Variants in SRRM4 observed in about 807,000 individuals in gnomAD.
SRRM4 encodes serine/arginine repetitive matrix 4.
Under a neutral mutation model 68.9 loss-of-function variants are expected in SRRM4, and 33 were observed. The ratio of observed to expected loss-of-function variants is 0.48; its 90% confidence interval spans 0.36 to 0.64. SRRM4 has a LOEUF of 0.64. Among genes scored for constraint, SRRM4 ranks in the 30% least tolerant of loss-of-function variants. The pLI, the probability that SRRM4 is intolerant of heterozygous loss-of-function variation, is 0.00. For missense variants in SRRM4, 817 were observed against 827.1 expected, an observed-to-expected ratio of 0.99 and a Z score of 0.15; for synonymous variants, 318 against 318.8, an observed-to-expected ratio of 1.00 and a Z score of 0.03.
chr12:118,981,723 G>A lies in SRRM4; in HGVS notation c.-160G>A. The A allele has an allele frequency of 1.3e-6, 1 of 748,708 alleles. No individual in the cohort carries two copies. The highest frequency in any genetic ancestry group is 2.1e-6 in the Non-Finnish European group (1 of 474,038). The allele number at this position is 748,708 out of a possible 1,614,324, so 46.4% of individuals were successfully genotyped here. A position where few individuals can be genotyped will look rare whatever the true frequency, so the allele number is the denominator to read the frequency against. On this transcript the variant is annotated 5_prime_UTR_variant, in exon 1 of 13. Coordinates refer to ENST00000267260, the MANE Select transcript of SRRM4 (RefSeq NM_194286.4). ...CCTTTCTCTGCTGCCTGCCCGGGCT[G>A]GGGCGTCCCATCCCCCGCCCTGAAC...
intron 1 of SRRM4, among the ~76,000 whole-genome samples, chr12:118,997,570 TC>T (rs1373656227): frequency 6.6e-6 from 1 of 152,186 alleles, no homozygotes; most frequent in African/African-American, 2.4e-5. Context: ...TAAATCCTTT[TC>T]CCTAAGGGCT....
chr12:119,039,037 A>G (rs1026075255), intron 1 of SRRM4, among the ~76,000 whole-genome samples: 5 of 152,212 alleles, frequency 3.3e-5, no homozygotes, highest in African/African-American at 1.2e-4. Context: ...AGGGAGCTGA[A>G]GAAATAAAGA....
intron 1 of SRRM4, chr12:118,992,406 C>T (rs1953322833): frequency 6.6e-6 from 1 of 152,220 alleles, no homozygotes; most frequent in African/African-American, 2.4e-5. Context: ...GATGTCCATC[C>T]GCACCCAGCC....
intron 1 of SRRM4, among the ~76,000 whole-genome samples, chr12:119,083,165 T>A (rs918425342): frequency 6.6e-6 from 1 of 152,022 alleles, no homozygotes; most frequent in Non-Finnish European, 1.5e-5. Context: ...AAGTAGCCAG[T>A]GTTGTCACTG....
chr12:119,122,292 CAGGAAGGAAGGAAGGAAGGAAGGA>C (rs56030105), intron 6 of SRRM4, among the ~76,000 whole-genome samples, 172 bp downstream of exon 6: 1 of 69,656 alleles, frequency 1.4e-5, no homozygotes, highest in Non-Finnish European at 2.7e-5. Flanking sequence ...GGCAGGAAGG[CAGGAAGGAAGGAAGGAAGGAAGGA>C]AGGAAGGAAG....
At chr12:119,032,022 C>T (rs747845753) in intron 1 of SRRM4, among the ~76,000 whole-genome samples, 8 of 152,172 alleles carry the variant, frequency 5.3e-5, no homozygotes, top group Non-Finnish European at 7.4e-5. Context: ...AGATAGATTA[C>T]TATCTAAAGT....
intron 1 of SRRM4, among the ~76,000 whole-genome samples, chr12:119,019,962 A>AC (rs1953505413): frequency 5.6e-5 from 1 of 17,810 alleles, no homozygotes. Context: ...CCCCCCCCCC[A>AC]AAAAAAAATC....
intron 1 of SRRM4, among the ~76,000 whole-genome samples, chr12:119,019,326 G>A (rs1953500034): frequency 6.6e-6 from 1 of 152,206 alleles, no homozygotes; most frequent in African/African-American, 2.4e-5. Flanking sequence ...CCCCCGGGTT[G>A]AAATAATGGG....
At chr12:119,121,951 T>C in intron 5 of SRRM4, 119 bp from the exon 6 acceptor site, 1 of 694,086 alleles carries the variant, frequency 1.4e-6, no homozygotes, top group South Asian at 1.6e-5. Context: ...TCTGAGGCAA[T>C]GATCAGTGTC....
chr12:119,051,384 G>GA (rs549472992), intron 1 of SRRM4, among the ~76,000 whole-genome samples: 2 of 152,158 alleles, frequency 1.3e-5, no homozygotes, highest in Non-Finnish European at 2.9e-5. Flanking sequence ...TCTACTGGGG[G>GA]AAAAAAGCAA....
At chr12:119,096,081 C>T (rs919878768) in intron 1 of SRRM4, among the ~76,000 whole-genome samples, 17 of 150,978 alleles carry the variant, frequency 1.1e-4, no homozygotes, top group African/African-American at 4.1e-4. Flanking sequence ...AGTGCAGTGG[C>T]GCGATCTCAG....
intron 1 of SRRM4, among the ~76,000 whole-genome samples, chr12:119,049,192 G>A (rs1311925699): frequency 6.6e-6 from 1 of 152,170 alleles, no homozygotes; most frequent in African/African-American, 2.4e-5. Flanking sequence ...TTGGACAGGT[G>A]TCCCAGGTTG....
intron 8 of SRRM4, among the ~76,000 whole-genome samples, chr12:119,131,547 G>C (rs1416266168): frequency 6.6e-6 from 1 of 152,192 alleles, no homozygotes; most frequent in Non-Finnish European, 1.5e-5. Context: ...GCTGCCCCAA[G>C]TCAACAAGGA....
In SRRM4 at chr12:119,150,199, C is replaced by A. The variant is rs115147355; in HGVS notation, c.1077-818C>A. 9.5e-3 allele frequency among the ~76,000 whole-genome samples: 1,440 copies of A among 152,306 alleles called. 26 individuals are homozygous for A. Among genetic ancestry groups the A allele is most frequent in the African/African-American group, 0.033 (1,361 of 41,562 alleles). On this transcript the variant is annotated intron_variant, in intron 9 of 12. Coordinates refer to ENST00000267260, the MANE Select transcript of SRRM4 (RefSeq NM_194286.4). Reference sequence around the variant, plus strand: ...AGAATCAAATGTCCTTGGCCGGGCACAGGGGCTCACATCTGTAATCCCAGC... The same window carrying A: ...AGAATCAAATGTCCTTGGCCGGGCAAAGGGGCTCACATCTGTAATCCCAGC...
At position 119,084,169 on chromosome 12, in the gene SRRM4, C is replaced by T. The variant is rs12099763; in HGVS notation, c.132-18067C>T. Reference sequence around the variant, plus strand: ...GCACAGCTGGAATTTGAACCCAGCCCTCTGAGATCACAGTCTGACTGCTGT... The same window carrying T: ...GCACAGCTGGAATTTGAACCCAGCCTTCTGAGATCACAGTCTGACTGCTGT... On this transcript the variant is annotated intron_variant, in intron 1 of 12. Transcript: ENST00000267260. Among the ~76,000 whole-genome samples, 730 of 152,234 alleles carry T rather than the reference C, an allele frequency of 4.8e-3. 8 individuals are homozygous for T. Among genetic ancestry groups the T allele is most frequent in the African/African-American group, 0.016 (659 of 41,520 alleles).
chr12:119,081,611 C>T (rs59890227), intron 1 of SRRM4, among the ~76,000 whole-genome samples: 174 of 152,300 alleles, frequency 1.1e-3, no homozygotes, highest in African/African-American at 3.3e-3. Context: ...TGGAGCAGCA[C>T]CATGATGTGG....
chr12:119,120,773 C>G (rs914421128), intron 5 of SRRM4, among the ~76,000 whole-genome samples: 2 of 152,166 alleles, frequency 1.3e-5, no homozygotes, highest in African/African-American at 4.8e-5. Flanking sequence ...CAACCTTGCA[C>G]AGTGGATATG....
chr12:119,075,657 C>T (rs62649109), intron 1 of SRRM4, among the ~76,000 whole-genome samples: 85,497 of 128,970 alleles, frequency 0.66, 25,399 homozygotes, highest in Middle Eastern at 0.79. Context: ...ATGATGGTAG[C>T]GATGATGGTG....
intron 1 of SRRM4, among the ~76,000 whole-genome samples, chr12:119,079,362 G>T (rs1953934315): frequency 6.6e-6 from 1 of 152,198 alleles, no homozygotes; most frequent in African/African-American, 2.4e-5. Flanking sequence ...AAGTGACTCA[G>T]TGAGGTATGC....
Sources: gnomAD v4.1 joint callset for allele counts (sites outside exome capture counted in the v4.1 genomes callset) on GRCh38, gnomAD v4.1.1 for gene constraint, MANE v1.5 for transcripts, NCBI Gene and HGNC (gene_info 2026-07-23, HGNC 2026-07-21) for gene names.